Variants in CFAP61 observed in about 807,000 individuals in gnomAD.
CFAP61 encodes cilia and flagella associated protein 61.
CFAP61 carries 107 observed loss-of-function variants against 135.6 expected under a neutral mutation model. The ratio of observed to expected loss-of-function variants is 0.79; its 90% CI spans 0.67 to 0.93. CFAP61 has a LOEUF of 0.93. CFAP61 is among the 40% of genes least tolerant of loss of function. The pLI is 0.00. For synonymous variants in CFAP61, 575 were observed against 578.5 expected (o/e 0.99, Z 0.09); for missense variants, 1,507 against 1,556.2 (o/e 0.97, Z 0.53).
intron 8 of CFAP61, among the ~76,000 whole-genome samples, chr20:20,121,934 C>CTT (rs545176887): frequency 1.1e-4 from 15 of 142,294 alleles, no homozygotes; most frequent in African/African-American, 3.6e-4. Flanking sequence ...TTCATTGCTT[C>CTT]TTTTTTTTTT....
At chr20:20,109,513 C>T (rs554127854) in intron 8 of CFAP61, among the ~76,000 whole-genome samples, 6 of 152,260 alleles carry the variant, frequency 3.9e-5, no homozygotes, top group Admixed American at 6.5e-5. Flanking sequence ...AATTGCTGTG[C>T]GTGGTCCATT....
At chr20:20,121,103 CTTT>C (rs869290856) in intron 8 of CFAP61, among the ~76,000 whole-genome samples, 252 of 113,560 alleles carry the variant, frequency 2.2e-3, no homozygotes, top group African/African-American at 7.4e-3. Flanking sequence ...TTTATTTTTA[CTTT>C]TTTTTTTTTT....
intron 26 of CFAP61, 47 bp from the exon 27 acceptor site, chr20:20,360,163 C>A (rs768504445): frequency 2.2e-6 from 3 of 1,391,938 alleles, no homozygotes; most frequent in Non-Finnish European, 3.1e-6. Context: ...TACAACTGTG[C>A]AGGGTCCAAT....
chr20:20,201,609 G>A (rs2056624300), intron 17 of CFAP61, among the ~76,000 whole-genome samples: 1 of 152,152 alleles, frequency 6.6e-6, no homozygotes, highest in Non-Finnish European at 1.5e-5. Context: ...CCAGAAGTTT[G>A]GTGCAAAGAC....
At chr20:20,290,432 A>C in intron 24 of CFAP61, 41 bp downstream of exon 24, 6 of 1,348,238 alleles carry the variant, frequency 4.5e-6, no homozygotes, top group Non-Finnish European at 5.3e-6. Flanking sequence ...TTCAAATACA[A>C]AACTTTGTTT....
chr20:20,178,443 A>G (rs2146843679), intron 13 of CFAP61, among the ~76,000 whole-genome samples: 1 of 152,324 alleles, frequency 6.6e-6, no homozygotes, highest in South Asian at 2.1e-4. Context: ...TTAGCAGAGA[A>G]CATATTCAGG....
At chr20:20,138,196 G>A (rs2051088576) in intron 8 of CFAP61, among the ~76,000 whole-genome samples, 1 of 152,160 alleles carries the variant, frequency 6.6e-6, no homozygotes, top group African/African-American at 2.4e-5. Context: ...AGTCTCTTTT[G>A]GAGCTGTGAG....
At chr20:20,156,487 C>G (rs776607747) in intron 9 of CFAP61, among the ~76,000 whole-genome samples, 9 of 152,040 alleles carry the variant, frequency 5.9e-5, no homozygotes, top group Non-Finnish European at 1.0e-4. Flanking sequence ...TTAAGAATGC[C>G]TTTTCTCACC....
At chr20:20,213,161 C>G (rs560927700) in intron 17 of CFAP61, among the ~76,000 whole-genome samples, 43 of 152,276 alleles carry the variant, frequency 2.8e-4, no homozygotes, top group African/African-American at 7.9e-4. Context: ...GCCTGTGAGC[C>G]CCTCCTCTGA....
intron 9 of CFAP61, among the ~76,000 whole-genome samples, chr20:20,152,325 T>A (rs551758258): frequency 5.3e-5 from 8 of 150,606 alleles, no homozygotes; most frequent in African/African-American, 1.9e-4. Flanking sequence ...AACACCAAAG[T>A]ATTCAGGCAA....
At chr20:20,279,389 T>C (rs1402680152) in intron 22 of CFAP61, among the ~76,000 whole-genome samples, 1 of 152,228 alleles carries the variant, frequency 6.6e-6, no homozygotes, top group East Asian at 1.9e-4. Flanking sequence ...ATGTATTTTG[T>C]ATTTTATATG....
chr20:20,137,450 G>C (rs1326319443), intron 8 of CFAP61, among the ~76,000 whole-genome samples: 1 of 151,796 alleles, frequency 6.6e-6, no homozygotes, highest in Non-Finnish European at 1.5e-5. Context: ...TGGCCTGACT[G>C]TGACAGCACT....
intron 18 of CFAP61, chr20:20,228,608 G>C: frequency 2.6e-6 from 1 of 388,780 alleles, no homozygotes; most frequent in East Asian, 3.8e-5. Flanking sequence ...AGCTTTATTG[G>C]AACACAGCCA....
intron 9 of CFAP61, 98 bp from the exon 10 acceptor site, chr20:20,159,272 G>T: frequency 9.3e-7 from 1 of 1,080,704 alleles, no homozygotes; most frequent in Non-Finnish European, 1.4e-6. Context: ...GTAAGCTGTA[G>T]AGCCAGGGTC....
At chr20:20,092,893 A>G (rs1461127047) in intron 7 of CFAP61, among the ~76,000 whole-genome samples, 1 of 152,250 alleles carries the variant, frequency 6.6e-6, no homozygotes, top group African/African-American at 2.4e-5. Context: ...GCTGGTAGGA[A>G]TATAAAATGC....
intron 17 of CFAP61, among the ~76,000 whole-genome samples, chr20:20,216,857 C>T (rs1288919146): frequency 6.6e-6 from 1 of 151,314 alleles, no homozygotes; most frequent in African/African-American, 2.4e-5. Context: ...AGACTTAGAT[C>T]TTTATTTTCC....
At chr20:20,164,410 A>T (rs1254727144) in intron 11 of CFAP61, among the ~76,000 whole-genome samples, 182 bp downstream of exon 11, 1 of 152,200 alleles carries the variant, frequency 6.6e-6, no homozygotes, top group East Asian at 1.9e-4. Context: ...TCAAATTTTA[A>T]CAAGGCCTAC....
At chr20:20,114,059 A>G (rs7267707) in intron 8 of CFAP61, among the ~76,000 whole-genome samples, 14,796 of 150,874 alleles carry the variant, frequency 0.098, 1,509 homozygotes, top group East Asian at 0.6. Context: ...GCTAGAGCTG[A>G]GGAGTTCGAG....
At chr20:20,063,261 T>A (rs2044951773) in intron 2 of CFAP61, among the ~76,000 whole-genome samples, 1 of 151,968 alleles carries the variant, frequency 6.6e-6, no homozygotes. Context: ...GATATCAAAA[T>A]AAGACAAAGA....
Sources: gnomAD v4.1 joint callset for allele counts (sites outside exome capture counted in the v4.1 genomes callset) on GRCh38, gnomAD v4.1.1 for gene constraint, MANE v1.5 for transcripts, NCBI Gene and HGNC (gene_info 2026-07-23, HGNC 2026-07-21) for gene names.